Variants in EXO1 observed in about 807,000 individuals in gnomAD.
EXO1 encodes the protein exonuclease 1.
In EXO1, 69 loss-of-function variants were observed where a neutral mutation model predicts 84.5. That is an observed-to-expected ratio of 0.82 (90% confidence interval 0.67 to 1.00). The LOEUF (loss-of-function observed/expected upper bound fraction) is 1.00. Among genes scored for constraint, EXO1 ranks in the 50% least tolerant of loss-of-function variants. The pLI, the probability that EXO1 is intolerant of heterozygous loss-of-function variation, is 0.00. For synonymous variants in EXO1, 373 were observed against 366.1 expected, an observed-to-expected ratio of 1.02 and a Z score of -0.21; for missense variants, 1,045 against 1,000.7, an observed-to-expected ratio of 1.04 and a Z score of -0.60.
chr1:241,889,350 C>A, intron 15 of EXO1, 115 bp from the exon 16 acceptor site: 2 of 882,858 alleles, frequency 2.3e-6, no homozygotes, highest in Non-Finnish European at 3.7e-6. Context: ...TGAAAGAGAT[C>A]GTACAGTAAA....
intron 11 of EXO1, among the ~76,000 whole-genome samples, chr1:241,870,105 T>C (rs2298932): frequency 0.08 from 12,170 of 152,252 alleles, 732 homozygotes; most frequent in Admixed American, 0.19. Context: ...CCACTGCGCC[T>C]GGCCTGTACA....
At chr1:241,876,061 G>A (rs116729491) in intron 12 of EXO1, among the ~76,000 whole-genome samples, 1 of 152,112 alleles carries the variant, frequency 6.6e-6, no homozygotes, top group Non-Finnish European at 1.5e-5. Flanking sequence ...TCTCTACAGG[G>A]CTCGCCTATT....
chr1:241,873,946 G>A (rs1407926062), intron 12 of EXO1, among the ~76,000 whole-genome samples: 1 of 152,152 alleles, frequency 6.6e-6, no homozygotes, highest in Non-Finnish European at 1.5e-5. Flanking sequence ...ATGGGGCTCA[G>A]GACAACTCCT....
chr1:241,885,243 A>AGTAAG, intron 14 of EXO1, 71 bp from the exon 15 acceptor site: 1 of 972,752 alleles, frequency 1.0e-6, no homozygotes, highest in Non-Finnish European at 1.6e-6. Flanking sequence ...TAAGTAAAGA[A>AGTAAG]TAAAGAATAG....
At chr1:241,854,912 G>T (rs4149877) in intron 6 of EXO1, 1 of 153,420 alleles carries the variant, frequency 6.5e-6, no homozygotes, top group Non-Finnish European at 1.4e-5. Context: ...AGACCTTTGC[G>T]GTGAGTGTTA....
At position 241,860,531 on chromosome 1, in the gene EXO1, T is replaced by A. The variant is rs934866372; in HGVS notation, c.771T>A (p.Ile257=). The A allele has an allele frequency of 3.7e-6, 6 of 1,613,418 alleles. No homozygotes were observed. The East Asian group carries it at 8.9e-5, about 24-fold the overall frequency. The change falls in exon 9 of 16, where the codon ATT becomes ATA. Residue 257 remains isoleucine, a synonymous_variant. Transcript: ENST00000366548. ...TGCATTGTTAGGTTATCAAGAAAAT[T>A]GGACATTATCTCAAGATGAATATCA... ...NPDIVKVIKK[I]GHYLKMNITV... is the part of the protein sequence containing the mutation.
rs938571298 is a variant in EXO1 at position 241,872,048 on chromosome 1, T to G, written c.1284T>G (p.Asp428Glu). Residue 428 changes from aspartate (D) to glutamate (E), a missense_variant, in exon 12 of 16, where the codon GAT becomes GAG. Physicochemically the swap from Asp to Glu is conservative, Grantham distance 45. Transcript: ENST00000366548. The part of the protein sequence containing the change: ...KRPRSAELSE[D>E]DLLSQYSLSF... The stretch of plus-strand genomic sequence containing the variant: ...TTTATTTAGCAGAGCTGTCAGAAGA[T>G]GACCTGTTGAGTCAGTATTCTCTTT... The G allele has an allele frequency of 6.2e-7, 1 of 1,613,296 alleles. No individual in the cohort carries two copies.
At chr1:241,878,157 A>C (rs1325783633) in intron 12 of EXO1, among the ~76,000 whole-genome samples, 1 of 152,172 alleles carries the variant, frequency 6.6e-6, no homozygotes, top group East Asian at 1.9e-4. Context: ...GGTATAAATA[A>C]AGTACAGAAG....
intron 6 of EXO1, among the ~76,000 whole-genome samples, chr1:241,854,091 C>T (rs4149870): frequency 0.026 from 3,900 of 152,244 alleles, 165 homozygotes; most frequent in African/African-American, 0.09. Context: ...CCAGCCCTCA[C>T]TTTCCCCTTT....
In EXO1 at chr1:241,866,833, GC is replaced by G; in HGVS notation, c.1048del (p.His350IlefsTer41). ...DDYNPDTAMP[A>X]HSRSHSWDDK... is the part of the protein sequence containing the mutation. Reference sequence around the variant, plus strand: ...CTTTTTCCTTTTCCTTTTCTAGCCTGCCCATTCAAGAAGTCATAGTTGGGAT... The same window carrying G: ...CTTTTTCCTTTTCCTTTTCTAGCCTGCCATTCAAGAAGTCATAGTTGGGAT... On this transcript the variant is annotated frameshift_variant, in exon 11 of 16. Transcript: ENST00000366548. LOFTEE classifies it high-confidence loss of function. 6.2e-7 allele frequency: 1 copy of G among 1,601,634 alleles called. No individual in the cohort carries two copies. Among genetic ancestry groups the G allele is most frequent in the Non-Finnish European group, 8.6e-7 (1 of 1,168,756 alleles).
intron 12 of EXO1, among the ~76,000 whole-genome samples, chr1:241,875,064 C>T (rs574523698): frequency 2.4e-4 from 37 of 152,204 alleles, no homozygotes; most frequent in Admixed American, 3.3e-4. Flanking sequence ...AGTACAGTGG[C>T]GCCATCTCGG....
At chr1:241,851,621 T>C (rs1049387852) in intron 4 of EXO1, among the ~76,000 whole-genome samples, 1 of 152,128 alleles carries the variant, frequency 6.6e-6, no homozygotes, top group African/African-American at 2.4e-5. Context: ...TTGGAAAAAA[T>C]AGTAGCAGTG....
At chr1:241,881,621 A>G (rs111504539) in intron 13 of EXO1, among the ~76,000 whole-genome samples, 183 of 152,310 alleles carry the variant, frequency 1.2e-3, no homozygotes, top group African/African-American at 4.1e-3. Flanking sequence ...GCGTTTTTAC[A>G]TTAGGAGACT....
intron 10 of EXO1, among the ~76,000 whole-genome samples, chr1:241,865,061 G>T (rs1243829542): frequency 6.7e-6 from 1 of 149,082 alleles, no homozygotes; most frequent in African/African-American, 2.5e-5. Flanking sequence ...GTGGGGGGGG[G>T]GTCTCACTAT....
intron 5 of EXO1, among the ~76,000 whole-genome samples, 159 bp from the exon 6 acceptor site, chr1:241,853,199 A>G (rs1660762583): frequency 6.6e-6 from 1 of 152,146 alleles, no homozygotes. Flanking sequence ...AGAAGCCTAA[A>G]GCATCTGGGT....
intron 12 of EXO1, among the ~76,000 whole-genome samples, chr1:241,876,577 A>T (rs757505692): frequency 7.9e-5 from 12 of 152,146 alleles, no homozygotes; most frequent in Admixed American, 3.3e-4. Context: ...GCGAGACTCC[A>T]TCTCAAAAAA....
intron 12 of EXO1, among the ~76,000 whole-genome samples, chr1:241,872,619 C>T (rs960111050): frequency 2.0e-5 from 3 of 152,028 alleles, no homozygotes; most frequent in South Asian, 2.1e-4. Flanking sequence ...GTTTTCTGTT[C>T]GTGTATTAGT....
chr1:241,852,287 C>T lies in EXO1; in HGVS notation c.162-5C>T. 1 of 1,600,962 alleles carries T rather than the reference C, an allele frequency of 6.2e-7. No individual in the cohort carries two copies. Among genetic ancestry groups the T allele is most frequent in the Non-Finnish European group, 8.5e-7 (1 of 1,170,302 alleles). On this transcript the variant is annotated splice_region_variant and splice_polypyrimidine_tract_variant and intron_variant, in intron 4 of 15. Transcript: ENST00000366548. ...AGCACTGAATGTTTTTCTTTTTTTCCATAGGTATGTAGGATTTTGTATGAA... is the reference window on the plus strand; with the variant it reads ...AGCACTGAATGTTTTTCTTTTTTTCTATAGGTATGTAGGATTTTGTATGAA...
At chr1:241,849,523 C>G (rs1037178357) in intron 3 of EXO1, among the ~76,000 whole-genome samples, 1 of 152,230 alleles carries the variant, frequency 6.6e-6, no homozygotes, top group Non-Finnish European at 1.5e-5. Context: ...TTCAGAGAGG[C>G]TGATGGAGTT....
Sources: allele counts gnomAD v4.1 joint callset (sites outside exome capture counted in the v4.1 genomes callset), GRCh38; gene constraint gnomAD v4.1.1; transcripts MANE v1.5; gene names NCBI Gene and HGNC (gene_info 2026-07-23, HGNC 2026-07-21).